Variants in ANXA8 observed in about 807,000 individuals in gnomAD.
ANXA8 encodes VAC-beta.
Under a neutral mutation model 26.8 loss-of-function variants are expected in ANXA8, and 9 were observed. That is an observed-to-expected ratio of 0.34 (90% CI 0.20 to 0.59). ANXA8 has a LOEUF of 0.59. ANXA8 is among the 20% of genes least tolerant of loss of function. ANXA8 has a pLI of 0.84. For synonymous variants in ANXA8, 39 were observed against 94.8 expected, an observed-to-expected ratio of 0.41 and a Z score of 3.42; for missense variants, 83 against 238.5, an observed-to-expected ratio of 0.35 and a Z score of 4.29.
At chr10:47,529,310 A>G in the ANXA8 span, among the ~76,000 whole-genome samples, 80 of 148,616 alleles carry the variant, frequency 5.4e-4, no homozygotes, top group East Asian at 3.2e-3. Flanking sequence ...GAAACATTTG[A>G]TGACAGTCAA....
At chr10:47,686,913 A>G in the ANXA8 span, among the ~76,000 whole-genome samples, 5 of 150,000 alleles carry the variant, frequency 3.3e-5, no homozygotes, top group Non-Finnish European at 4.4e-5. Context: ...ACAACAAACA[A>G]GTTTGTGGGG....
chr10:47,920,237 C>CT, the ANXA8 span, among the ~76,000 whole-genome samples: 2,368 of 67,662 alleles, frequency 0.035, 183 homozygotes, highest in African/African-American at 0.15. Flanking sequence ...AAATGAGACT[C>CT]TTTTTTTTTT....
the ANXA8 span, among the ~76,000 whole-genome samples, chr10:47,591,434 ATTTTTTTTTTTTT>A: frequency 1.7e-5 from 1 of 60,216 alleles, no homozygotes; most frequent in Non-Finnish European, 2.9e-5. Flanking sequence ...TTCTTTCTGA[ATTTTTTTTTTTTT>A]TTTTTTTTTT....
At chr10:47,735,393 C>A in the ANXA8 span, among the ~76,000 whole-genome samples, 2 of 148,796 alleles carry the variant, frequency 1.3e-5, no homozygotes, top group Admixed American at 6.7e-5. Context: ...CTGCACCAGG[C>A]CGTTTCTTTT....
At chr10:47,711,012 A>G in the ANXA8 span, among the ~76,000 whole-genome samples, 4 of 149,330 alleles carry the variant, frequency 2.7e-5, no homozygotes, top group South Asian at 8.4e-4. Context: ...TGTTCTTTAA[A>G]CATTTAATTC....
the ANXA8 span, among the ~76,000 whole-genome samples, chr10:47,619,610 A>C: frequency 1.7e-5 from 2 of 119,868 alleles, no homozygotes; most frequent in African/African-American, 6.4e-5. Flanking sequence ...GGGGTGAATA[A>C]ATGTTTGCTA....
At chr10:47,722,494 A>T in the ANXA8 span, among the ~76,000 whole-genome samples, 2 of 135,144 alleles carry the variant, frequency 1.5e-5, no homozygotes, top group Non-Finnish European at 3.2e-5. Flanking sequence ...AGAGGTTGTA[A>T]TCAAGGTGTA....
At chr10:47,646,851 A>C in the ANXA8 span, among the ~76,000 whole-genome samples, 1 of 152,250 alleles carries the variant, frequency 6.6e-6, no homozygotes, top group South Asian at 2.1e-4. Context: ...AAAGTAACAA[A>C]ATAGAAACTA....
At chr10:47,707,067 A>G in the ANXA8 span, among the ~76,000 whole-genome samples, 4 of 143,598 alleles carry the variant, frequency 2.8e-5, 1 homozygote, top group Non-Finnish European at 4.7e-5. Flanking sequence ...AATCATCAAA[A>G]TGATGCATAT....
At chr10:47,526,564 C>T in the ANXA8 span, among the ~76,000 whole-genome samples, 1 of 130,462 alleles carries the variant, frequency 7.7e-6, no homozygotes, top group Admixed American at 7.5e-5. Flanking sequence ...TTTTCTGAGA[C>T]CATACTGCTG....
chr10:47,742,168 CA>C, the ANXA8 span, among the ~76,000 whole-genome samples: 6 of 110,284 alleles, frequency 5.4e-5, no homozygotes, highest in Non-Finnish European at 9.3e-5. Context: ...CAAGTTAAAG[CA>C]AAAAAACAAG....
chr10:47,955,221 C>T, the ANXA8 span, among the ~76,000 whole-genome samples: 17 of 150,210 alleles, frequency 1.1e-4, no homozygotes, highest in Middle Eastern at 3.5e-3. Flanking sequence ...CCTTGCCTCC[C>T]GCCGTGATTG....
the ANXA8 span, among the ~76,000 whole-genome samples, chr10:47,637,359 T>C: frequency 6.7e-6 from 1 of 149,414 alleles, no homozygotes; most frequent in Non-Finnish European, 1.5e-5. Context: ...AAGAATCTCA[T>C]GAGGAGCAGC....
the ANXA8 span, chr10:47,564,713 T>A: frequency 1.6e-6 from 1 of 639,124 alleles, no homozygotes; most frequent in Admixed American, 2.7e-5. Context: ...CCTCTCCCAG[T>A]CCTGCCTGCT....
At chr10:47,729,802 G>A in the ANXA8 span, among the ~76,000 whole-genome samples, 1 of 139,326 alleles carries the variant, frequency 7.2e-6, no homozygotes, top group Non-Finnish European at 1.6e-5. Flanking sequence ...TATAGAAAGA[G>A]TAGTTTACTT....
chr10:47,489,079 A>T, upstream of ANXA8, among the ~76,000 whole-genome samples: 2 of 146,094 alleles, frequency 1.4e-5, no homozygotes, highest in African/African-American at 2.6e-5. Context: ...GTGCAGTGGC[A>T]TGATCTAGGC....
At chr10:47,624,242 CAA>C in the ANXA8 span, among the ~76,000 whole-genome samples, 3 of 29,216 alleles carry the variant, frequency 1.0e-4, no homozygotes, top group Non-Finnish European at 1.9e-4. Flanking sequence ...GACTCCATCT[CAA>C]AAAAAAAAAA....
At chr10:47,554,026 T>C in the ANXA8 span, among the ~76,000 whole-genome samples, 21,165 of 136,442 alleles carry the variant, frequency 0.16, 1,887 homozygotes, top group East Asian at 0.47. Context: ...AATCCCAGCC[T>C]TTTGGGAGGC....
the ANXA8 span, among the ~76,000 whole-genome samples, chr10:47,695,907 T>C: frequency 1.3e-5 from 2 of 151,832 alleles, no homozygotes; most frequent in African/African-American, 4.8e-5. Context: ...TCTTTCACTT[T>C]TAACTTGTGT....
Sources: gnomAD v4.1 joint callset for allele counts (sites outside exome capture counted in the v4.1 genomes callset) on GRCh38, gnomAD v4.1.1 for gene constraint, MANE v1.5 for transcripts, NCBI Gene and HGNC (gene_info 2026-07-23, HGNC 2026-07-21) for gene names.